The following SLC10A7 variants were observed in gnomAD, a reference collection of about 807,000 sequenced individuals.
SLC10A7 encodes the protein solute carrier family 10 member 7.
In SLC10A7, 29 loss-of-function variants were observed where a neutral mutation model predicts 43.2. That is an observed-to-expected ratio of 0.67 (90% CI 0.50 to 0.92). The LOEUF (loss-of-function observed/expected upper bound fraction) is 0.92, where lower values mean the gene tolerates loss of function less well. Among genes scored for constraint, SLC10A7 ranks in the 40% least tolerant of loss-of-function variants. SLC10A7 has a pLI of 0.00. For synonymous variants in SLC10A7, 152 were observed against 144.8 expected (o/e 1.05, Z -0.35); for missense variants, 295 against 403.2 (o/e 0.73, Z 2.30).
Position 146,442,807 on chromosome 4 carries a change from A to T in SLC10A7, c.411T>A (p.Phe137Leu), listed in dbSNP as rs760294593. The T allele has an allele frequency of 7.5e-6, 12 of 1,596,090 alleles. No homozygotes were observed. Among genetic ancestry groups the T allele is most frequent in the Non-Finnish European group, 1.0e-5 (12 of 1,174,028 alleles). Residue 137 changes from phenylalanine to leucine, a missense_variant, in exon 5 of 12, where the codon TTT (phenylalanine) becomes TTA (leucine). Physicochemically the swap from Phe to Leu is conservative, Grantham distance 22. Around this residue, in one of 2 missense-constraint regions of SLC10A7, gnomAD observed 242 missense variants for 362.5 expected, o/e 0.67. Coordinates refer to ENST00000335472, the MANE Select transcript of SLC10A7 (RefSeq NM_001029998.6). ...AVGGNEAAAI[F>L]NSAFGSFLGI... Reference sequence around the variant, plus strand: ...CCAAAAAACTTCCAAAGGCTGAATTAAATATTGCAGCTGCCTATGAAGAAA... The same window carrying T: ...CCAAAAAACTTCCAAAGGCTGAATTTAATATTGCAGCTGCCTATGAAGAAA...
chr4:146,308,081 T>G (rs1051027239), intron 6 of SLC10A7, among the ~76,000 whole-genome samples: 1 of 152,168 alleles, frequency 6.6e-6, no homozygotes, highest in Non-Finnish European at 1.5e-5. Context: ...TAAAATGCTA[T>G]GATCTCTGAT....
intron 9 of SLC10A7, among the ~76,000 whole-genome samples, chr4:146,287,121 A>AAGGACCGTGTCTGGAGTGGTGAGG (rs1730070442): frequency 6.6e-6 from 1 of 150,492 alleles, no homozygotes; most frequent in African/African-American, 2.5e-5. Context: ...GAGTGGTGAG[A>AAGGACCGTGTCTGGAGTGGTGAGG]AGGACCGTGT....
chr4:146,320,507 T>C (rs185245447), intron 6 of SLC10A7, among the ~76,000 whole-genome samples: 99 of 151,980 alleles, frequency 6.5e-4, no homozygotes, highest in African/African-American at 2.2e-3. Flanking sequence ...AGATAGGAGC[T>C]GTTAATCAGA....
intron 10 of SLC10A7, among the ~76,000 whole-genome samples, chr4:146,271,221 A>T (rs1480549699): frequency 2.6e-5 from 4 of 152,154 alleles, no homozygotes; most frequent in Admixed American, 2.6e-4. Flanking sequence ...TGTCAAAAAG[A>T]CATATCAAAC....
chr4:146,280,217 T>C (rs1369058938), intron 10 of SLC10A7, among the ~76,000 whole-genome samples: 3 of 152,220 alleles, frequency 2.0e-5, no homozygotes, highest in Admixed American at 2.0e-4. Flanking sequence ...GAAGAAATAC[T>C]ATGATAGTGA....
At chr4:146,323,834 A>G (rs1393218783) in intron 6 of SLC10A7, among the ~76,000 whole-genome samples, 1 of 152,194 alleles carries the variant, frequency 6.6e-6, no homozygotes, top group East Asian at 1.9e-4. Flanking sequence ...GCAATCAGGC[A>G]GGAGAAAGAA....
chr4:146,440,472 T>G (rs558244024), intron 5 of SLC10A7, among the ~76,000 whole-genome samples: 2 of 152,196 alleles, frequency 1.3e-5, no homozygotes, highest in South Asian at 2.1e-4. Flanking sequence ...AGGAGAGAGA[T>G]AGGAGTCTTG....
chr4:146,480,180 G>A (rs1465796957), intron 4 of SLC10A7, among the ~76,000 whole-genome samples: 1 of 151,736 alleles, frequency 6.6e-6, no homozygotes, highest in African/African-American at 2.4e-5. Flanking sequence ...TAACTATTAA[G>A]TTATATTAGA....
At chr4:146,395,993 A>G (rs1738798040) in intron 5 of SLC10A7, among the ~76,000 whole-genome samples, 1 of 152,198 alleles carries the variant, frequency 6.6e-6, no homozygotes, top group South Asian at 2.1e-4. Context: ...AAATGTATGT[A>G]TCATGGATTG....
chr4:146,375,778 T>C (rs72729847), intron 5 of SLC10A7, among the ~76,000 whole-genome samples: 32,036 of 151,864 alleles, frequency 0.21, 3,521 homozygotes, highest in African/African-American at 0.27. Flanking sequence ...ACCAAACAAT[T>C]CTCCAGCAGA....
At chr4:146,368,145 T>C (rs1736523632) in intron 5 of SLC10A7, among the ~76,000 whole-genome samples, 1 of 152,130 alleles carries the variant, frequency 6.6e-6, no homozygotes, top group South Asian at 2.1e-4. Flanking sequence ...TGGGGCCCCT[T>C]ACCTTGACAC....
chr4:146,521,758 T>G lies in SLC10A7; in HGVS notation c.-41A>C, dbSNP rs1308017897. On this transcript the variant is annotated 5_prime_UTR_variant, in exon 1 of 12. Transcript: ENST00000335472. Reference sequence around the variant, plus strand: ...TGGGTTTTGTTTATTTGTTTGGCTTTTTTTCTTTTCAAGCTCCGATCACCT... The same window carrying G: ...TGGGTTTTGTTTATTTGTTTGGCTTGTTTTCTTTTCAAGCTCCGATCACCT... 6.4e-7 allele frequency: 1 copy of G among 1,553,744 alleles called. No individual in the cohort carries two copies. The highest frequency in any genetic ancestry group is 8.9e-7 in the Non-Finnish European group (1 of 1,126,082).
chr4:146,453,151 A>T (rs1731739622), intron 4 of SLC10A7, among the ~76,000 whole-genome samples: 1 of 151,874 alleles, frequency 6.6e-6, no homozygotes, highest in Admixed American at 6.6e-5. Context: ...CAGTGGAAAA[A>T]ATTATTTAAT....
intron 5 of SLC10A7, among the ~76,000 whole-genome samples, chr4:146,342,084 A>G (rs1480777876): frequency 6.6e-6 from 1 of 151,780 alleles, no homozygotes. Context: ...AGCGTTCTTA[A>G]CTTATTCAAA....
intron 5 of SLC10A7, among the ~76,000 whole-genome samples, chr4:146,374,641 C>CAG (rs1553963534): frequency 3.4e-4 from 48 of 142,790 alleles, no homozygotes; most frequent in African/African-American, 1.3e-3. Flanking sequence ...CACACACACA[C>CAG]ACACACACAC....
At chr4:146,400,689 T>A (rs542703822) in intron 5 of SLC10A7, among the ~76,000 whole-genome samples, 3 of 152,244 alleles carry the variant, frequency 2.0e-5, no homozygotes, top group African/African-American at 7.2e-5. Flanking sequence ...TCCACAAGTT[T>A]TTTTGGTTCC....
chr4:146,317,985 C>T (rs1732440543), intron 6 of SLC10A7, among the ~76,000 whole-genome samples: 2 of 151,996 alleles, frequency 1.3e-5, no homozygotes, highest in South Asian at 4.1e-4. Context: ...AAATCTCTCT[C>T]TCTAGGAGGC....
intron 5 of SLC10A7, among the ~76,000 whole-genome samples, chr4:146,394,166 A>G (rs1456362487): frequency 6.6e-6 from 1 of 152,194 alleles, no homozygotes; most frequent in East Asian, 1.9e-4. Context: ...GGGACTGGTC[A>G]AGGTCAGCCC....
chr4:146,387,856 A>G (rs1191225346), intron 5 of SLC10A7, among the ~76,000 whole-genome samples: 1 of 152,200 alleles, frequency 6.6e-6, no homozygotes, highest in Non-Finnish European at 1.5e-5. Context: ...ACCTAGGGAT[A>G]CATTTATCTA....
Sources: gnomAD v4.1 joint callset for allele counts (sites outside exome capture counted in the v4.1 genomes callset) on GRCh38, gnomAD v4.1.1 for gene constraint, gnomAD v4.1.1 regional missense constraint, MANE v1.5 for transcripts, NCBI Gene and HGNC (gene_info 2026-07-23, HGNC 2026-07-21) for gene names.